The following KIF11 variants were observed in gnomAD, a reference collection of about 807,000 sequenced individuals.
KIF11 encodes the protein kinesin-like protein KIF11.
KIF11 carries 9 observed loss-of-function variants against 121.0 expected under a neutral mutation model. That is an observed-to-expected ratio of 0.07 (90% CI 0.04 to 0.13). KIF11 has a LOEUF of 0.13. Among genes scored for constraint, KIF11 ranks in the 10% least tolerant of loss-of-function variants. The pLI, the probability that KIF11 is intolerant of heterozygous loss-of-function variation, is 1.00. For synonymous variants in KIF11, 408 were observed against 421.0 expected, an observed-to-expected ratio of 0.97 and a Z score of 0.38; for missense variants, 846 against 1,217.5, an observed-to-expected ratio of 0.69 and a Z score of 4.54.
intron 1 of KIF11, among the ~76,000 whole-genome samples, chr10:92,596,539 C>CT (rs572293361): frequency 0.11 from 13,015 of 121,472 alleles, 648 homozygotes; most frequent in African/African-American, 0.16. Flanking sequence ...TTTTCTGTTT[C>CT]TTTTTTTTTT....
intron 9 of KIF11, among the ~76,000 whole-genome samples, chr10:92,620,502 A>T (rs964205465): frequency 5.9e-5 from 9 of 152,138 alleles, no homozygotes; most frequent in Non-Finnish European, 1.0e-4. Flanking sequence ...TCCTAGATTT[A>T]AACTATTTGT....
intron 1 of KIF11, among the ~76,000 whole-genome samples, chr10:92,603,554 T>C (rs1206022389): frequency 2.0e-5 from 3 of 152,172 alleles, no homozygotes; most frequent in Non-Finnish European, 4.4e-5. Flanking sequence ...TTTCACCATA[T>C]TGGCCAGGGC....
At position 92,630,370 on chromosome 10, in the gene KIF11, T is replaced by C. The variant is rs1194152506; in HGVS notation, c.1494+6T>C. The C allele has an allele frequency of 7.8e-6, 12 of 1,540,608 alleles. No homozygotes were observed. The highest frequency in any genetic ancestry group is 2.2e-5 in the Admixed American group (1 of 45,498). On this transcript the variant is annotated splice_donor_region_variant and intron_variant, in intron 12 of 21. Coordinates refer to ENST00000260731, the MANE Select transcript of KIF11 (RefSeq NM_004523.4). ...TTCATGATGCTGCCAGCAAGGTTTG[T>C]CCCTTGTGTTGATTTGTACTCATAT...
intron 14 of KIF11, among the ~76,000 whole-genome samples, chr10:92,634,053 G>A (rs112069551): frequency 1.1e-4 from 17 of 152,038 alleles, no homozygotes; most frequent in African/African-American, 3.9e-4. Flanking sequence ...GCGTGATCTC[G>A]GCTCACTGCA....
At chr10:92,596,220 G>A (rs1443905600) in intron 1 of KIF11, among the ~76,000 whole-genome samples, 1 of 152,114 alleles carries the variant, frequency 6.6e-6, no homozygotes, top group African/African-American at 2.4e-5. Flanking sequence ...AGCCAGGATG[G>A]TCTCCATCTC....
At chr10:92,614,341 C>T (rs1164076141) in intron 8 of KIF11, among the ~76,000 whole-genome samples, 1 of 152,146 alleles carries the variant, frequency 6.6e-6, no homozygotes, top group African/African-American at 2.4e-5. Context: ...AGGTGAGCCG[C>T]CCGCCTTTGT....
intron 6 of KIF11, among the ~76,000 whole-genome samples, chr10:92,612,619 C>T (rs1304115687): frequency 6.6e-6 from 1 of 152,184 alleles, no homozygotes; most frequent in Non-Finnish European, 1.5e-5. Flanking sequence ...CAACAGCTGA[C>T]ATGGATGGGA....
At position 92,616,775 on chromosome 10, in the gene KIF11, G is replaced by T. The variant is rs1844561885; in HGVS notation, c.1071G>T (p.Lys357Asn). 2 of 1,607,570 alleles carry T rather than the reference G, an allele frequency of 1.2e-6. No individual in the cohort carries two copies. Among genetic ancestry groups the T allele is most frequent in the Admixed American group, 1.7e-5 (1 of 59,026 alleles). ...LSTLEYAHRA[K>N]NILNKPEVNQ... Reference sequence around the variant, plus strand: ...CATTGGAATATGCTCATAGAGCAAAGAACATATTGAATAAGCCTGAAGTGA... The same window carrying T: ...CATTGGAATATGCTCATAGAGCAAATAACATATTGAATAAGCCTGAAGTGA... The change falls in exon 9 of 22, where the codon AAG (lysine) becomes AAT (asparagine). Residue 357 changes from lysine to asparagine, a missense_variant. Transcript: ENST00000260731.
chr10:92,617,725 G>A (rs943885176), intron 9 of KIF11, among the ~76,000 whole-genome samples: 3 of 150,320 alleles, frequency 2.0e-5, no homozygotes, highest in Non-Finnish European at 2.9e-5. Flanking sequence ...ACTTCAGTAC[G>A]GTTTTTTTGT....
chr10:92,626,433 A>G (rs914052021), intron 10 of KIF11, among the ~76,000 whole-genome samples: 5 of 152,240 alleles, frequency 3.3e-5, no homozygotes, highest in African/African-American at 9.6e-5. Flanking sequence ...AAAAACTTAA[A>G]TGTAAAACCT....
In KIF11 at chr10:92,609,087, C is replaced by A. The variant is rs140534766; in HGVS notation, c.455C>A (p.Thr152Asn). The change falls in exon 5 of 22, where the codon ACT becomes AAT. Residue 152 changes from threonine to asparagine, a missense_variant. Thr to Asn is a moderately conservative substitution (Grantham distance 65). Around this residue, in one of 5 missense-constraint regions of KIF11, gnomAD observed 140 missense variants for 193.5 expected, o/e 0.72. Transcript: ENST00000260731. ...TTTGAGAAACTTACTGATAATGGTA[C>A]TGAATTTTCAGTCAAAGTGTCTCTG... The part of the protein sequence containing the change: ...QIFEKLTDNG[T>N]EFSVKVSLLE... The A allele has an allele frequency of 6.2e-7, 1 of 1,604,698 alleles. No individual in the cohort carries two copies. The highest frequency in any genetic ancestry group is 1.1e-5 in the South Asian group (1 of 90,206).
In KIF11 at chr10:92,653,857, C is replaced by A; in HGVS notation, c.*61C>A. On this transcript the variant is annotated 3_prime_UTR_variant, in exon 22 of 22. Transcript: ENST00000260731. ...AACTTAAAAATAAAACCTGAAACCCCAGAACTTGAGCCTTGTGTATAGATT... is the reference window on the plus strand; with the variant it reads ...AACTTAAAAATAAAACCTGAAACCCAAGAACTTGAGCCTTGTGTATAGATT... 6.9e-7 allele frequency: 1 copy of A among 1,449,184 alleles called. No individual in the cohort carries two copies. The highest frequency in any genetic ancestry group is 9.5e-7 in the Non-Finnish European group (1 of 1,049,762). 89.8% of individuals were successfully genotyped at this position (1,449,184 alleles called of 1,614,324 possible).
In KIF11 at chr10:92,631,700, G is replaced by C. The variant is rs1011284819; in HGVS notation, c.1495-786G>C. ...AGTTGTACTTTTTTTTTTTGAGACAGACTCTTGCTTTGTAGCCCAGGCTGG... is the reference window on the plus strand; with the variant it reads ...AGTTGTACTTTTTTTTTTTGAGACACACTCTTGCTTTGTAGCCCAGGCTGG... On this transcript the variant is annotated intron_variant, in intron 12 of 21. Transcript: ENST00000260731. 3.3e-5 allele frequency among the ~76,000 whole-genome samples: 5 copies of C among 150,564 alleles called. No homozygotes were observed. The South Asian group carries it at 1.1e-3, about 32-fold the overall frequency.
chr10:92,599,719 C>T (rs1844345161), intron 1 of KIF11, among the ~76,000 whole-genome samples: 1 of 144,294 alleles, frequency 6.9e-6, no homozygotes, highest in South Asian at 2.2e-4. Context: ...GTGGCGCGAT[C>T]TCGGCTCACT....
intron 21 of KIF11, among the ~76,000 whole-genome samples, chr10:92,650,825 A>AC (rs1467532997): frequency 6.6e-6 from 1 of 151,952 alleles, no homozygotes; most frequent in African/African-American, 2.4e-5. Flanking sequence ...TCTTCCTTCT[A>AC]CCTTTGACAT....
At chr10:92,652,482 TC>T (rs1391968369) in intron 21 of KIF11, among the ~76,000 whole-genome samples, 1 of 152,084 alleles carries the variant, frequency 6.6e-6, no homozygotes, top group African/African-American at 2.4e-5. Flanking sequence ...TCCCTTAAGG[TC>T]TAAAGATTCT....
In KIF11 at chr10:92,645,661, G is replaced by C; in HGVS notation, c.2547+19G>C. Reference sequence around the variant, plus strand: ...ATTGGAGGTAATAACTTTGTAAGTGGAACTTACTTTGGGGAGAATAATAAT... The same window carrying C: ...ATTGGAGGTAATAACTTTGTAAGTGCAACTTACTTTGGGGAGAATAATAAT... On this transcript the variant is annotated intron_variant, in intron 18 of 21. Coordinates refer to ENST00000260731, the MANE Select transcript of KIF11 (RefSeq NM_004523.4). 2 of 1,522,932 alleles carry C rather than the reference G, an allele frequency of 1.3e-6. No homozygotes were observed. Among genetic ancestry groups the C allele is most frequent in the Non-Finnish European group, 1.8e-6 (2 of 1,126,664 alleles). 94.3% of individuals were successfully genotyped at this position (1,522,932 alleles called of 1,614,324 possible).
chr10:92,611,312 A>G (rs913959712), intron 6 of KIF11, among the ~76,000 whole-genome samples: 5 of 151,926 alleles, frequency 3.3e-5, no homozygotes, highest in Non-Finnish European at 5.9e-5. Context: ...TCCCGGGTTC[A>G]CGCCATTCTC....
intron 1 of KIF11, among the ~76,000 whole-genome samples, chr10:92,601,710 T>A: frequency 9.2e-6 from 1 of 109,052 alleles, no homozygotes; most frequent in Admixed American, 8.9e-5. Context: ...AAAAAATAAT[T>A]TTTTTTTTTT....
Sources: allele counts gnomAD v4.1 joint callset (sites outside exome capture counted in the v4.1 genomes callset), GRCh38; gene constraint gnomAD v4.1.1; regional missense constraint gnomAD v4.1.1; transcripts MANE v1.5; gene names NCBI Gene and HGNC (gene_info 2026-07-23, HGNC 2026-07-21).